NAALADL2: variants seen among roughly 807,000 people sequenced by gnomAD.
NAALADL2 encodes N-acetylated alpha-linked acidic dipeptidase like 2.
A neutral mutation model predicts 87.2 loss-of-function variants in NAALADL2; 76 were observed. The ratio of observed to expected loss-of-function variants is 0.87; its 90% CI spans 0.72 to 1.05. The LOEUF (loss-of-function observed/expected upper bound fraction) is 1.05. NAALADL2 is among the 50% of genes least tolerant of loss of function. The pLI, the probability that NAALADL2 is intolerant of heterozygous loss-of-function variation, is 0.00. For missense variants in NAALADL2, 1,089 were observed against 945.8 expected, an observed-to-expected ratio of 1.15 and a Z score of -1.99; for synonymous variants, 354 against 331.0, an observed-to-expected ratio of 1.07 and a Z score of -0.75.
chr3:175,516,230 A>C (rs2149405816), intron 9 of NAALADL2, among the ~76,000 whole-genome samples: 1 of 152,300 alleles, frequency 6.6e-6, no homozygotes, highest in African/African-American at 2.4e-5. Context: ...AGCAAACAGA[A>C]AGTTCTCTAG....
intron 4 of NAALADL2, among the ~76,000 whole-genome samples, chr3:175,306,637 C>T (rs1332725555): frequency 1.3e-5 from 2 of 152,200 alleles, no homozygotes; most frequent in East Asian, 3.9e-4. Context: ...ACCATCTTGG[C>T]CAGCATGGTG....
chr3:174,605,614 G>C (rs1440861429), intron 2 of NAALADL2, among the ~76,000 whole-genome samples: 2 of 152,180 alleles, frequency 1.3e-5, no homozygotes, highest in South Asian at 2.1e-4. Flanking sequence ...GGCTGGGGGA[G>C]GGGCGCCCAC....
At chr3:174,999,639 G>A (rs758247557) in intron 1 of NAALADL2, among the ~76,000 whole-genome samples, 5 of 152,140 alleles carry the variant, frequency 3.3e-5, no homozygotes, top group Non-Finnish European at 7.4e-5. Flanking sequence ...GATGTTTGTG[G>A]AATGCTAAAT....
chr3:174,823,360 A>G (rs1441370280), intron 3 of NAALADL2, among the ~76,000 whole-genome samples: 1 of 151,978 alleles, frequency 6.6e-6, no homozygotes, highest in East Asian at 1.9e-4. Context: ...TTTTTTGCCA[A>G]TCTACATTCT....
intron 10 of NAALADL2, among the ~76,000 whole-genome samples, chr3:175,604,207 A>G (rs1037360941): frequency 7.9e-5 from 12 of 151,722 alleles, no homozygotes; most frequent in African/African-American, 2.7e-4. Context: ...CCAAAACTTG[A>G]TATTTTCATA....
intron 1 of NAALADL2, among the ~76,000 whole-genome samples, chr3:174,933,046 G>A (rs1464259410): frequency 6.6e-6 from 1 of 152,196 alleles, no homozygotes; most frequent in African/African-American, 2.4e-5. Flanking sequence ...GAACCCAGGA[G>A]GTGGAGGTTG....
intron 4 of NAALADL2, among the ~76,000 whole-genome samples, chr3:175,313,013 A>G (rs1309189665): frequency 1.3e-5 from 2 of 152,138 alleles, no homozygotes; most frequent in South Asian, 4.1e-4. Flanking sequence ...ATTTTCTCAC[A>G]GTTTGGAGTC....
chr3:175,206,259 TA>T lies in NAALADL2; in HGVS notation c.546-27671del, dbSNP rs1156286284. Among the ~76,000 whole-genome samples, 162 of 90,966 alleles carry T rather than the reference TA, an allele frequency of 1.8e-3. 2 individuals carry two copies. The highest frequency in any genetic ancestry group is 8.8e-3 in the African/African-American group (117 of 13,236). 59.7% of individuals were successfully genotyped at this position (90,966 alleles called of 152,430 possible). On this transcript the variant is annotated intron_variant, in intron 2 of 13. Transcript: ENST00000454872. Reference sequence around the variant, plus strand: ...GGATAAAAAACTATATATATATATATATATTTTTTTTTTTCACTGTGTGTGT... The same window carrying T: ...GGATAAAAAACTATATATATATATATTATTTTTTTTTTTCACTGTGTGTGT...
chr3:174,517,931 AG>A (rs1442082513), intron 1 of NAALADL2, among the ~76,000 whole-genome samples: 1 of 152,152 alleles, frequency 6.6e-6, no homozygotes, highest in Non-Finnish European at 1.5e-5. Flanking sequence ...TTTATACACA[AG>A]TCCCAATCTC....
At chr3:174,520,326 T>A (rs776257886) in intron 1 of NAALADL2, among the ~76,000 whole-genome samples, 1 of 152,164 alleles carries the variant, frequency 6.6e-6, no homozygotes, top group Non-Finnish European at 1.5e-5. Context: ...TACAAGGCTA[T>A]AGTAACTAAA....
intron 1 of NAALADL2, chr3:174,523,689 A>G (rs1720473937): frequency 6.6e-6 from 1 of 152,174 alleles, no homozygotes; most frequent in Non-Finnish European, 1.5e-5. Flanking sequence ...AATTAATCTC[A>G]CTAACTTTAA....
At chr3:174,491,724 G>A (rs1718205329) in intron 1 of NAALADL2, among the ~76,000 whole-genome samples, 1 of 152,002 alleles carries the variant, frequency 6.6e-6, no homozygotes, top group Admixed American at 6.6e-5. Flanking sequence ...ATATCATATA[G>A]TCTTATGTTC....
At chr3:175,753,358 A>G (rs770274622) in intron 12 of NAALADL2, among the ~76,000 whole-genome samples, 6 of 152,132 alleles carry the variant, frequency 3.9e-5, no homozygotes, top group Non-Finnish European at 8.8e-5. Context: ...AAAACTACTT[A>G]TCTCTTTACA....
intron 1 of NAALADL2, among the ~76,000 whole-genome samples, chr3:175,033,180 T>A (rs1234290281): frequency 1.3e-5 from 2 of 151,948 alleles, no homozygotes; most frequent in Admixed American, 6.6e-5. Context: ...ATGGCTCTGA[T>A]GATATTTGAT....
chr3:175,592,112 T>C (rs887428070), intron 10 of NAALADL2, among the ~76,000 whole-genome samples: 9 of 152,014 alleles, frequency 5.9e-5, no homozygotes, highest in Non-Finnish European at 2.9e-5. Flanking sequence ...AAATCATCCG[T>C]TGATTGGCTA....
chr3:174,472,984 G>A (rs1436984045), intron 1 of NAALADL2, among the ~76,000 whole-genome samples: 17 of 152,230 alleles, frequency 1.1e-4, no homozygotes, highest in Admixed American at 9.8e-4. Flanking sequence ...ATATGACTTC[G>A]TAGATTTCTT....
At chr3:174,990,797 T>G (rs146819386) in intron 1 of NAALADL2, among the ~76,000 whole-genome samples, 2 of 152,270 alleles carry the variant, frequency 1.3e-5, no homozygotes, top group East Asian at 3.9e-4. Flanking sequence ...TGGCTCTATT[T>G]CCAGTAGATT....
chr3:174,450,333 T>A (rs1715395694), intron 1 of NAALADL2, among the ~76,000 whole-genome samples: 2 of 152,126 alleles, frequency 1.3e-5, no homozygotes, highest in Admixed American at 1.3e-4. Flanking sequence ...ATTAGGGGTT[T>A]ATATAGCAGA....
rs3066298 is a variant in NAALADL2, at chr3:175,243,531, CTTT to C, written c.819+9352_819+9354del. On this transcript the variant is annotated intron_variant, in intron 3 of 13. Transcript: ENST00000454872. ...AATTTGCAAATGCTACACATCAGGA[CTTT>C]TTTTTTTTTTTTTTTTTTTTTTTTA... Among the ~76,000 whole-genome samples, 456 of 85,552 alleles carry C rather than the reference CTTT, an allele frequency of 5.3e-3. 3 individuals carry two copies. Among genetic ancestry groups the C allele is most frequent in the African/African-American group, 0.011 (254 of 22,680 alleles). 56.1% of individuals were successfully genotyped at this position (85,552 alleles called of 152,430 possible). A position where few individuals can be genotyped will look rare whatever the true frequency, so the allele number is the denominator to read the frequency against.
Sources: gnomAD v4.1 joint callset for allele counts (sites outside exome capture counted in the v4.1 genomes callset) on GRCh38, gnomAD v4.1.1 for gene constraint, MANE v1.5 for transcripts, NCBI Gene and HGNC (gene_info 2026-07-23, HGNC 2026-07-21) for gene names.